EPB41L5: variants seen among roughly 807,000 people sequenced by gnomAD.
EPB41L5 encodes erythrocyte membrane protein band 4.1 like 5, also known as band 4.1-like protein 5.
EPB41L5 carries 55 observed loss-of-function variants against 106.6 expected under a neutral mutation model. The ratio of observed to expected loss-of-function variants is 0.52; its 90% CI spans 0.42 to 0.65. The LOEUF is 0.65. EPB41L5 is among the 30% of genes least tolerant of loss of function. EPB41L5 has a pLI of 0.00. For missense variants in EPB41L5, 871 were observed against 882.1 expected, an observed-to-expected ratio of 0.99 and a Z score of 0.16; for synonymous variants, 297 against 306.7, an observed-to-expected ratio of 0.97 and a Z score of 0.33.
At chr2:120,027,052 A>G (rs978759713) in intron 2 of EPB41L5, among the ~76,000 whole-genome samples, 5 of 152,232 alleles carry the variant, frequency 3.3e-5, no homozygotes, top group African/African-American at 9.6e-5. Flanking sequence ...AAGTCAGATA[A>G]TATTAAGTGT....
chr2:120,026,456 C>A (rs879622589), intron 2 of EPB41L5, among the ~76,000 whole-genome samples: 2 of 152,144 alleles, frequency 1.3e-5, no homozygotes, highest in Non-Finnish European at 2.9e-5. Flanking sequence ...GCGATCTCTG[C>A]CTCCTGGCTT....
intron 7 of EPB41L5, 151 bp from the exon 8 acceptor site, chr2:120,076,820 C>T: frequency 1.6e-6 from 1 of 615,274 alleles, no homozygotes. Flanking sequence ...GACTAATATG[C>T]CAGATTTACT....
chr2:120,035,437 G>T (rs1345556992), intron 2 of EPB41L5, among the ~76,000 whole-genome samples: 1 of 152,110 alleles, frequency 6.6e-6, no homozygotes, highest in East Asian at 1.9e-4. Context: ...CTTGAAGGCA[G>T]GGGCTTACCT....
chr2:120,133,293 G>A (rs374945973), intron 18 of EPB41L5, among the ~76,000 whole-genome samples: 3 of 152,200 alleles, frequency 2.0e-5, no homozygotes, highest in East Asian at 1.9e-4. Context: ...CATAAGAACC[G>A]GAAATCAGGT....
At chr2:120,134,606 A>G (rs1685845996) in intron 18 of EPB41L5, among the ~76,000 whole-genome samples, 2 of 152,124 alleles carry the variant, frequency 1.3e-5, no homozygotes, top group African/African-American at 4.8e-5. Context: ...GAAGAGAGAG[A>G]CTTTATGGGA....
chr2:120,128,695 C>T (rs1290346008), intron 17 of EPB41L5, among the ~76,000 whole-genome samples: 4 of 148,684 alleles, frequency 2.7e-5, no homozygotes, highest in African/African-American at 9.9e-5. Flanking sequence ...AACAAATGTT[C>T]TGGTACATCA....
intron 2 of EPB41L5, among the ~76,000 whole-genome samples, chr2:120,033,046 G>A (rs965167375): frequency 7.2e-5 from 11 of 151,970 alleles, no homozygotes; most frequent in Non-Finnish European, 1.3e-4. Context: ...ATATAGAATG[G>A]GACAGAACCA....
intron 16 of EPB41L5, chr2:120,104,130 C>G: frequency 1.3e-6 from 2 of 1,536,070 alleles, no homozygotes; most frequent in Non-Finnish European, 1.7e-6. Flanking sequence ...GCCCCCACCC[C>G]AGACCGCACA....
intron 2 of EPB41L5, among the ~76,000 whole-genome samples, chr2:120,023,320 ATG>A (rs1678070827): frequency 6.6e-6 from 1 of 151,990 alleles, no homozygotes; most frequent in Non-Finnish European, 1.5e-5. Flanking sequence ...TTTAGGTTTT[ATG>A]TTTAAGTCTT....
In EPB41L5 at chr2:120,074,107, A is replaced by G; in HGVS notation, c.336A>G (p.Ser112=). Residue 112 remains serine (S), a synonymous_variant, in exon 5 of 25, where the codon TCA becomes TCG. Coordinates refer to ENST00000263713, the MANE Select transcript of EPB41L5 (RefSeq NM_020909.4). The stretch of plus-strand genomic sequence containing the variant: ...TTTTTTTTTAAATGACAGTTGGTTC[A>G]CCCTATTGTCTGCATCTTCGAGTTA... ...KSIKKQVKIG[S]PYCLHLRVKF... is the part of the protein sequence containing the mutation. 1 of 1,608,090 alleles carries G rather than the reference A, an allele frequency of 6.2e-7. No homozygotes were observed. The highest frequency in any genetic ancestry group is 1.7e-5 in the Admixed American group (1 of 59,430).
rs955974649 is a variant in EPB41L5 at position 120,048,610 on chromosome 2, T to C, written c.285+6500T>C. ...CTTTTAAAAAAAAACAGCTCCTGCA[T>C]TGATTGATTTTTTTGAAGGGTTTTT... is the stretch of plus-strand genomic sequence containing the variant. On this transcript the variant is annotated intron_variant, in intron 3 of 24. Coordinates refer to ENST00000263713, the MANE Select transcript of EPB41L5 (RefSeq NM_020909.4). 2.6e-4 allele frequency among the ~76,000 whole-genome samples: 40 copies of C among 152,182 alleles called. 1 individual carries two copies. The highest frequency in any genetic ancestry group is 7.7e-4 in the African/African-American group (32 of 41,436).
At position 120,110,635 on chromosome 2, in the gene EPB41L5, A is replaced by T. The variant is rs866307397; in HGVS notation, c.1337+9821A>T. Among the ~76,000 whole-genome samples, 928 of 118,436 alleles carry T rather than the reference A, an allele frequency of 7.8e-3. 7 individuals carry two copies. The highest frequency in any genetic ancestry group is 0.024 in the African/African-American group (787 of 32,220). The allele number at this position is 118,436 out of a possible 152,430, so 77.7% of individuals were successfully genotyped here. A position where few individuals can be genotyped will look rare whatever the true frequency, so the allele number is the denominator to read the frequency against. The stretch of plus-strand genomic sequence containing the variant: ...ACACCCTCCTGCCCTACCTTCCCCT[A>T]TTTTTTTTTTTTTTTTTTTGAGACC... On this transcript the variant is annotated intron_variant, in intron 16 of 24. Transcript: ENST00000263713.
At chr2:120,049,151 G>A (rs1263101360) in intron 3 of EPB41L5, among the ~76,000 whole-genome samples, 1 of 152,146 alleles carries the variant, frequency 6.6e-6, no homozygotes, top group South Asian at 2.1e-4. Context: ...GATTTGGGGT[G>A]GAGAGTTCTG....
At chr2:120,157,060 T>C (rs1217874611) in intron 20 of EPB41L5, among the ~76,000 whole-genome samples, 1 of 152,136 alleles carries the variant, frequency 6.6e-6, no homozygotes, top group African/African-American at 2.4e-5. Context: ...TCAGCAAATG[T>C]AGAAGAACTG....
At chr2:120,173,916 C>G (rs1267712556) in intron 24 of EPB41L5, among the ~76,000 whole-genome samples, 1 of 152,178 alleles carries the variant, frequency 6.6e-6, no homozygotes, top group East Asian at 1.9e-4. Context: ...AACTCCTGGT[C>G]TCAGTGGATT....
At chr2:120,072,925 T>TG (rs1681974323) in intron 3 of EPB41L5, among the ~76,000 whole-genome samples, 1 of 79,402 alleles carries the variant, frequency 1.3e-5, no homozygotes, top group Non-Finnish European at 3.5e-5. Context: ...GAACTTAAAG[T>TG]ATTTAAAAAA....
chr2:120,103,700 A>G (rs1209528213), intron 16 of EPB41L5, among the ~76,000 whole-genome samples: 4 of 152,140 alleles, frequency 2.6e-5, no homozygotes, highest in African/African-American at 9.7e-5. Flanking sequence ...TAGATTATGA[A>G]TATTTTTTTC....
intron 16 of EPB41L5, among the ~76,000 whole-genome samples, chr2:120,116,054 GC>G (rs914365058): frequency 3.3e-5 from 5 of 152,084 alleles, no homozygotes; most frequent in Non-Finnish European, 5.9e-5. Flanking sequence ...CAAGTGACCT[GC>G]CCGCCTCAGC....
chr2:120,167,344 C>T (rs1350534763), intron 22 of EPB41L5, 122 bp from the exon 23 acceptor site: 1 of 778,896 alleles, frequency 1.3e-6, no homozygotes, highest in East Asian at 2.7e-5. Flanking sequence ...CAAGGAACAC[C>T]ATTAAGAATT....
Sources: allele counts gnomAD v4.1 joint callset (sites outside exome capture counted in the v4.1 genomes callset), GRCh38; gene constraint gnomAD v4.1.1; transcripts MANE v1.5; gene names NCBI Gene and HGNC (gene_info 2026-07-23, HGNC 2026-07-21).